Variants in BPIFB2 observed in about 807,000 individuals in gnomAD.
BPIFB2 encodes the protein BPI fold-containing family B member 2.
BPIFB2 carries 39 observed loss-of-function variants against 50.1 expected under a neutral mutation model. The ratio of observed to expected loss-of-function variants is 0.78; its 90% confidence interval spans 0.60 to 1.02. BPIFB2 has a LOEUF of 1.02. BPIFB2 is among the 50% of genes least tolerant of loss of function. The pLI is 0.00. For synonymous variants in BPIFB2, 280 were observed against 256.3 expected, an observed-to-expected ratio of 1.09 and a Z score of -0.88; for missense variants, 574 against 585.8, an observed-to-expected ratio of 0.98 and a Z score of 0.21.
chr20:33,015,350 T>C, intron 5 of BPIFB2, 86 bp from the exon 6 acceptor site: 2 of 1,277,886 alleles, frequency 1.6e-6, no homozygotes, highest in South Asian at 2.8e-5. Flanking sequence ...GGATAGAGAC[T>C]TCTCTTCCCA....
At chr20:33,015,541 C>A in intron 6 of BPIFB2, 45 bp downstream of exon 6, 3 of 1,506,714 alleles carry the variant, frequency 2.0e-6, no homozygotes, top group Non-Finnish European at 1.8e-6. Flanking sequence ...ATGGCTTCAC[C>A]GAGAAGGCAC....
In BPIFB2 at chr20:33,015,473, A is replaced by G. The variant is rs1234002647; in HGVS notation, c.493A>G (p.Ile165Val). ...HALLVLVQKH[I>V]KAVLSNKLCL... ...GCTGCTGGTCCTGGTGCAGAAGCACATTAAAGCTGTCTTGAGTAACAAGGT... is the reference window on the plus strand; with the variant it reads ...GCTGCTGGTCCTGGTGCAGAAGCACGTTAAAGCTGTCTTGAGTAACAAGGT... Residue 165 changes from isoleucine to valine, a missense_variant, in exon 6 of 16, where the codon ATT (isoleucine) becomes GTT (valine). Coordinates refer to ENST00000170150, the MANE Select transcript of BPIFB2 (RefSeq NM_025227.3). 5 of 1,613,690 alleles carry G rather than the reference A, an allele frequency of 3.1e-6. No individual in the cohort carries two copies. The highest frequency in any genetic ancestry group is 1.1e-5 in the South Asian group (1 of 91,032).
At chr20:33,013,028 C>G in intron 4 of BPIFB2, 121 bp downstream of exon 4, 1 of 747,752 alleles carries the variant, frequency 1.3e-6, no homozygotes. Flanking sequence ...GACTCTCTGT[C>G]CAGTTGCTCT....
chr20:33,017,121 GGGA>G lies in BPIFB2; in HGVS notation c.577+22_577+24del. On this transcript the variant is annotated intron_variant, in intron 7 of 15. Coordinates refer to ENST00000170150, the MANE Select transcript of BPIFB2 (RefSeq NM_025227.3). ...TTAATTGGTAAGATCTGGGAGCCAG[GGGA>G]GGGGGCTGGGGCCTCTGGGACCCCC... 6.2e-7 allele frequency: 1 copy of G among 1,612,498 alleles called. No homozygotes were observed. The highest frequency in any genetic ancestry group is 8.5e-7 in the Non-Finnish European group (1 of 1,179,210).
rs45589833 is a variant in BPIFB2 at position 33,013,864 on chromosome 20, C to T, written c.363C>T (p.Arg121=). The T allele has an allele frequency of 0.036, 57,813 of 1,613,964 alleles. 1,168 individuals are homozygous for T. Among genetic ancestry groups the T allele is most frequent in the Non-Finnish European group, 0.043 (50,399 of 1,179,920 alleles). The change falls in exon 5 of 16, where the codon CGC becomes CGT. Residue 121 remains arginine, a synonymous_variant. Coordinates refer to ENST00000170150, the MANE Select transcript of BPIFB2 (RefSeq NM_025227.3). ...CTGTGGAACTGCTGGCTGACACCCG[C>T]GTGACCCAGAGCTCCATCAGGACCC... is the stretch of plus-strand genomic sequence containing the variant. ...TLPVELLADT[R]VTQSSIRTPV...
chr20:33,020,601 T>C lies in BPIFB2; in HGVS notation c.1194+14T>C. On this transcript the variant is annotated intron_variant, in intron 13 of 15. Coordinates refer to ENST00000170150, the MANE Select transcript of BPIFB2 (RefSeq NM_025227.3). The stretch of plus-strand genomic sequence containing the variant: ...GGCTTCATTGATGTGAGTGTGGGGC[T>C]GGGGCCTCTAGAAACCCCCGTCCTG... 6.3e-7 allele frequency: 1 copy of C among 1,597,762 alleles called. No homozygotes were observed.
At chr20:33,010,185 C>G (rs1389729511) in intron 2 of BPIFB2, among the ~76,000 whole-genome samples, 2 of 152,170 alleles carry the variant, frequency 1.3e-5, no homozygotes, top group Non-Finnish European at 2.9e-5. Context: ...TAATTAGCAC[C>G]TCTCTGGGGC....
At chr20:33,012,380 G>A (rs1222301300) in intron 3 of BPIFB2, among the ~76,000 whole-genome samples, 2 of 152,204 alleles carry the variant, frequency 1.3e-5, no homozygotes, top group Non-Finnish European at 2.9e-5. Flanking sequence ...CAGGTTAGCT[G>A]GAGAGTGCTT....
In BPIFB2 at chr20:33,008,666, A is replaced by G. The variant is rs6088066; in HGVS notation, c.92A>G (p.Lys31Arg). Residue 31 changes from lysine (K) to arginine (R), a missense_variant, in exon 2 of 16, where the codon AAG becomes AGG. By Grantham distance (26) the Lys-to-Arg change is conservative. Transcript: ENST00000170150. ...STPGTVVRLN[K>R]AALSYVSEIG... ...CCAGGCACCGTGGTCCGACTCAACAAGGCAGCATTGAGCTACGGTAAGCGG... is the reference window on the plus strand; with the variant it reads ...CCAGGCACCGTGGTCCGACTCAACAGGGCAGCATTGAGCTACGGTAAGCGG... 1.8e-4 allele frequency: 288 copies of G among 1,603,922 alleles called. No individual in the cohort carries two copies. The highest frequency in any genetic ancestry group is 2.4e-4 in the Non-Finnish European group (281 of 1,174,958).
chr20:33,014,181 C>A (rs1777974883), intron 5 of BPIFB2, among the ~76,000 whole-genome samples: 1 of 152,294 alleles, frequency 6.6e-6, no homozygotes, highest in Admixed American at 6.5e-5. Context: ...CCTTTCCATC[C>A]CCTGCACCAC....
intron 3 of BPIFB2, 88 bp from the exon 4 acceptor site, chr20:33,012,715 C>A: frequency 2.0e-6 from 2 of 999,782 alleles, no homozygotes; most frequent in Non-Finnish European, 1.6e-6. Flanking sequence ...TTTATAACAT[C>A]GTGTGGGTAT....
At chr20:33,014,869 G>A (rs71348799) in intron 5 of BPIFB2, among the ~76,000 whole-genome samples, 10,217 of 152,300 alleles carry the variant, frequency 0.067, 459 homozygotes, top group Admixed American at 0.15. Context: ...GAGGCTTTGG[G>A]AACACAGAGG....
intron 5 of BPIFB2, among the ~76,000 whole-genome samples, chr20:33,014,321 G>A (rs1457219284): frequency 6.6e-6 from 1 of 152,184 alleles, no homozygotes; most frequent in East Asian, 1.9e-4. Context: ...GGAGGGCCTG[G>A]GACCCACCAA....
At chr20:33,013,742 A>G in intron 4 of BPIFB2, 68 bp from the exon 5 acceptor site, 2 of 1,550,552 alleles carry the variant, frequency 1.3e-6, no homozygotes, top group Non-Finnish European at 8.7e-7. Flanking sequence ...AATTTGTAAG[A>G]TCTATCATCA....
chr20:33,019,094 T>C lies in BPIFB2; in HGVS notation c.888T>C (p.Ala296=). 6.2e-7 allele frequency: 1 copy of C among 1,614,128 alleles called. No homozygotes were observed. The highest frequency in any genetic ancestry group is 8.5e-7 in the Non-Finnish European group (1 of 1,180,006). The change falls in exon 10 of 16, where the codon GCT becomes GCC. Residue 296 remains alanine (A), a synonymous_variant. Coordinates refer to ENST00000170150, the MANE Select transcript of BPIFB2 (RefSeq NM_025227.3). ...RSDDNLLNTS[A]LGRLIPEVAR... ...ATGACAACCTGCTGAACACCTCTGCTCTGGGCCGGCTCATCCCGGAGGTCG... is the reference window on the plus strand; with the variant it reads ...ATGACAACCTGCTGAACACCTCTGCCCTGGGCCGGCTCATCCCGGAGGTCG...
chr20:33,011,905 G>A (rs1691749050), intron 3 of BPIFB2, among the ~76,000 whole-genome samples: 1 of 152,178 alleles, frequency 6.6e-6, no homozygotes, highest in Admixed American at 6.5e-5. Flanking sequence ...CTTGAACCTG[G>A]GAGGCAGAGG....
At chr20:33,012,101 C>G (rs1990296941) in intron 3 of BPIFB2, among the ~76,000 whole-genome samples, 1 of 152,162 alleles carries the variant, frequency 6.6e-6, no homozygotes, top group African/African-American at 2.4e-5. Context: ...AGTTTGAGAT[C>G]CCTTAGGAAG....
chr20:33,022,203 G>A (rs551938204), intron 15 of BPIFB2, among the ~76,000 whole-genome samples: 12 of 152,234 alleles, frequency 7.9e-5, no homozygotes, highest in African/African-American at 2.9e-4. Flanking sequence ...GTGGGCCCAG[G>A]GTGAGCTTCA....
rs1990258371 is a variant in BPIFB2, at chr20:33,009,498, G to C, written c.109+815G>C. Reference sequence around the variant, plus strand: ...CTCAGATTACAGTGTGAGAAAGTCAGGTCAGACAGTAGATGGGACCTTCAG... The same window carrying C: ...CTCAGATTACAGTGTGAGAAAGTCACGTCAGACAGTAGATGGGACCTTCAG... On this transcript the variant is annotated intron_variant, in intron 2 of 15. Transcript: ENST00000170150. The surrounding 1 kb of genome is among the most constrained non-coding windows in gnomAD (Gnocchi z 4.2). Among the ~76,000 whole-genome samples, 1 of 152,228 alleles carries C rather than the reference G, an allele frequency of 6.6e-6. No homozygotes were observed. Among genetic ancestry groups the C allele is most frequent in the African/African-American group, 2.4e-5 (1 of 41,450 alleles).
Sources: gnomAD v4.1 joint callset for allele counts (sites outside exome capture counted in the v4.1 genomes callset) on GRCh38, gnomAD v4.1.1 for gene constraint, Gnocchi (gnomAD v3.1) non-coding constraint, MANE v1.5 for transcripts, NCBI Gene and HGNC (gene_info 2026-07-23, HGNC 2026-07-21) for gene names.